COL14A1: variants seen among roughly 807,000 people sequenced by gnomAD.
COL14A1 encodes collagen alpha-1(XIV) chain.
A neutral mutation model predicts 230.3 loss-of-function variants in COL14A1; 136 were observed. The ratio of observed to expected loss-of-function variants is 0.59; its 90% CI spans 0.51 to 0.68. The LOEUF (loss-of-function observed/expected upper bound fraction) is 0.68, where lower values mean the gene tolerates loss of function less well. Among genes scored for constraint, COL14A1 ranks in the 30% least tolerant of loss-of-function variants. The probability of loss-of-function intolerance (pLI) is 0.00; values close to 1 mark genes in which losing one functional copy is unlikely to be tolerated. For synonymous variants in COL14A1, 792 were observed against 784.1 expected (o/e 1.01, Z -0.17); for missense variants, 1,976 against 2,215.8 (o/e 0.89, Z 2.17).
At chr8:120,238,802 G>T (rs1818530529) in intron 19 of COL14A1, among the ~76,000 whole-genome samples, 1 of 152,170 alleles carries the variant, frequency 6.6e-6, no homozygotes, top group South Asian at 2.1e-4. Context: ...TAGTATCTGG[G>T]CTGGATAGCT....
At chr8:120,176,630 A>C (rs1417514015) in intron 5 of COL14A1, among the ~76,000 whole-genome samples, 1 of 152,114 alleles carries the variant, frequency 6.6e-6, no homozygotes, top group Non-Finnish European at 1.5e-5. Context: ...GAGGTAGCTA[A>C]AGTACAGGGA....
intron 5 of COL14A1, among the ~76,000 whole-genome samples, chr8:120,192,993 T>A (rs1360756270): frequency 6.6e-6 from 1 of 152,200 alleles, no homozygotes; most frequent in Non-Finnish European, 1.5e-5. Flanking sequence ...TGGTTTGAAT[T>A]TCCTCCTGTA....
rs755760955 is a variant in COL14A1 at position 120,281,029 on chromosome 8, A to G, written c.3794A>G (p.His1265Arg). 12 of 1,611,772 alleles carry G rather than the reference A, an allele frequency of 7.4e-6. No homozygotes were observed. Among genetic ancestry groups the G allele is most frequent in the Non-Finnish European group, 1.0e-5 (12 of 1,178,994 alleles). ...TFNVFPCYQL[H>R]KDALVSQPTR... The stretch of plus-strand genomic sequence containing the variant: ...AATGTGTTTCCATGTTACCAACTCC[A>G]TAAAGATGCCCTGGTTTCCCAGCCA... The change falls in exon 31 of 48, where the codon CAT becomes CGT. Residue 1265 changes from histidine to arginine, a missense_variant. Physicochemically the swap from His to Arg is conservative, Grantham distance 29. This residue lies in a region of COL14A1 where 1,791 missense variants were observed against 2,019.5 expected (regional missense o/e 0.89). Transcript: ENST00000297848.
chr8:120,280,047 T>C lies in COL14A1; in HGVS notation c.3594T>C (p.Phe1198=). 1 of 1,613,858 alleles carries C rather than the reference T, an allele frequency of 6.2e-7. No individual in the cohort carries two copies. The highest frequency in any genetic ancestry group is 8.5e-7 in the Non-Finnish European group (1 of 1,179,824). The stretch of plus-strand genomic sequence containing the variant: ...TCTTTGTGGATGACTTTGACGCCTT[T>C]AAGAAAATCGAAGATGAGTTAATTA... The part of the protein sequence containing the change: ...HVFFVDDFDA[F]KKIEDELITF... Residue 1198 remains phenylalanine, a synonymous_variant, in exon 29 of 48, where the codon TTT becomes TTC. Transcript: ENST00000297848.
At chr8:120,176,239 A>C (rs1816279569) in intron 5 of COL14A1, among the ~76,000 whole-genome samples, 1 of 152,198 alleles carries the variant, frequency 6.6e-6, no homozygotes, top group South Asian at 2.1e-4. Flanking sequence ...AGTGTCAAGC[A>C]CTGAATTAGT....
chr8:120,232,407 A>C (rs990701488), intron 19 of COL14A1, among the ~76,000 whole-genome samples: 4 of 151,998 alleles, frequency 2.6e-5, no homozygotes, highest in Non-Finnish European at 5.9e-5. Flanking sequence ...TCCTAATGCT[A>C]TCCCTCCCCT....
At chr8:120,279,876 C>T in intron 28 of COL14A1, 59 bp from the exon 29 acceptor site, 1 of 1,573,154 alleles carries the variant, frequency 6.4e-7, no homozygotes, top group South Asian at 1.2e-5. Context: ...TCTTATATTA[C>T]ATTATTTGTG....
chr8:120,135,430 AAT>A (rs944092301), intron 1 of COL14A1, among the ~76,000 whole-genome samples: 124 of 152,074 alleles, frequency 8.2e-4, no homozygotes, highest in African/African-American at 2.9e-3. Flanking sequence ...CAGCCTGTCT[AAT>A]TTTTGTATTT....
intron 40 of COL14A1, 63 bp from the exon 41 acceptor site, chr8:120,332,078 G>A: frequency 7.1e-7 from 1 of 1,411,770 alleles, no homozygotes. Context: ...GGAACTAAAT[G>A]AGCCCATTCT....
intron 14 of COL14A1, among the ~76,000 whole-genome samples, chr8:120,220,881 G>A (rs1172192334): frequency 6.6e-6 from 1 of 152,156 alleles, no homozygotes; most frequent in Non-Finnish European, 1.5e-5. Flanking sequence ...TGACAACGAT[G>A]ATAATAATGG....
At chr8:120,203,585 C>G (rs1178159506) in intron 8 of COL14A1, 124 bp from the exon 9 acceptor site, 2 of 629,528 alleles carry the variant, frequency 3.2e-6, no homozygotes, top group Non-Finnish European at 5.1e-6. Context: ...TATATATATA[C>G]AAGTAGCAGA....
chr8:120,357,423 A>G (rs1440965416), intron 45 of COL14A1, among the ~76,000 whole-genome samples: 4 of 152,234 alleles, frequency 2.6e-5, no homozygotes, highest in East Asian at 3.9e-4. Context: ...CTGATCCAAG[A>G]GAGAGAGCAG....
chr8:120,247,467 G>C lies in COL14A1; in HGVS notation c.2480-146G>C, dbSNP rs536376445. The C allele has an allele frequency of 1.3e-4, 88 of 700,006 alleles. No homozygotes were observed. The African/African-American group carries it at 1.4e-3, about 11-fold the overall frequency. 43.4% of individuals were successfully genotyped at this position (700,006 alleles called of 1,614,324 possible). A position where few individuals can be genotyped will look rare whatever the true frequency, so the allele number is the denominator to read the frequency against. On this transcript the variant is annotated intron_variant, in intron 20 of 47. Transcript: ENST00000297848. ...TGAAAACAACCACAGACTCTCAAAG[G>C]CTTCTCATTGTGTGTTTCAGTGCAC... is the stretch of plus-strand genomic sequence containing the variant.
intron 40 of COL14A1, among the ~76,000 whole-genome samples, chr8:120,321,530 C>T (rs1351976716): frequency 6.6e-6 from 1 of 151,872 alleles, no homozygotes; most frequent in African/African-American, 2.4e-5. Flanking sequence ...GTAATTCCAG[C>T]TACTCAGGAG....
chr8:120,306,322 C>A (rs917709936), intron 36 of COL14A1, among the ~76,000 whole-genome samples: 17 of 151,716 alleles, frequency 1.1e-4, no homozygotes, highest in Non-Finnish European at 1.2e-4. Flanking sequence ...GGAGAAGCAG[C>A]AGAGATGTGA....
intron 2 of COL14A1, among the ~76,000 whole-genome samples, chr8:120,155,609 C>T (rs1815447547): frequency 6.6e-6 from 1 of 152,152 alleles, no homozygotes. Flanking sequence ...AGCCTCCATC[C>T]TATTTGTACT....
At position 120,131,263 on chromosome 8, in the gene COL14A1, GT is replaced by G. The variant is rs139383005; in HGVS notation, c.-38+5929del. On this transcript the variant is annotated intron_variant, in intron 1 of 47. Coordinates refer to ENST00000297848, the MANE Select transcript of COL14A1 (RefSeq NM_021110.4). ...AGTGGGATTACTGAGTTGAACGGTA[GT>G]TTTTTAAGTTCTTTGTGAAATCTCC... Among the ~76,000 whole-genome samples, 379 of 152,206 alleles carry G rather than the reference GT, an allele frequency of 2.5e-3. 4 individuals are homozygous for G. Among genetic ancestry groups the G allele is most frequent in the African/African-American group, 8.8e-3 (367 of 41,548 alleles).
intron 42 of COL14A1, among the ~76,000 whole-genome samples, chr8:120,334,852 G>A (rs568268266): frequency 9.4e-4 from 143 of 152,304 alleles, no homozygotes; most frequent in African/African-American, 3.4e-3. Context: ...CACATGCACA[G>A]AAACTGCATG....
intron 37 of COL14A1, among the ~76,000 whole-genome samples, chr8:120,312,594 C>T (rs7003797): frequency 0.52 from 79,309 of 151,932 alleles, 22,453 homozygotes; most frequent in African/African-American, 0.76. Flanking sequence ...TCATTTTTAT[C>T]CACATTCTAT....
Sources: allele counts gnomAD v4.1 joint callset (sites outside exome capture counted in the v4.1 genomes callset), GRCh38; gene constraint gnomAD v4.1.1; regional missense constraint gnomAD v4.1.1; transcripts MANE v1.5; gene names NCBI Gene and HGNC (gene_info 2026-07-23, HGNC 2026-07-21).